SCO1: variants seen among roughly 807,000 people sequenced by gnomAD.
SCO1 encodes cytochrome c oxidase assembly factor SCO1.
In SCO1, 23 loss-of-function variants were observed where a neutral mutation model predicts 34.0. That is an observed-to-expected ratio of 0.68 (90% CI 0.49 to 0.96). SCO1 has a LOEUF of 0.96. Among genes scored for constraint, SCO1 ranks in the 40% least tolerant of loss-of-function variants. SCO1 has a pLI of 0.00. For synonymous variants in SCO1, 161 were observed against 145.5 expected (o/e 1.11, Z -0.77); for missense variants, 404 against 381.6 (o/e 1.06, Z -0.49).
At position 10,674,371 on chromosome 17, in the gene SCO1, A is replaced by C. The variant is rs1052013058; in HGVS notation, c.*6748T>G. ...AACCAGGGAGGTGGAGGTTGCAGTG[A>C]GCCAAGATCGCACCACTGCTCTCCA... On this transcript the variant is annotated 3_prime_UTR_variant, in exon 6 of 6. Transcript: ENST00000255390. The C allele has an allele frequency of 9.8e-6, 2 of 204,970 alleles. No individual in the cohort carries two copies. The highest frequency in any genetic ancestry group is 4.7e-5 in the African/African-American group (2 of 42,154). 12.7% of individuals were successfully genotyped at this position (204,970 alleles called of 1,614,324 possible).
chr17:10,682,084 T>C (rs2074625341), intron 5 of SCO1, among the ~76,000 whole-genome samples: 1 of 152,182 alleles, frequency 6.6e-6, no homozygotes, highest in African/African-American at 2.4e-5. Flanking sequence ...TAACTTTAAC[T>C]TAGATTAGTC....
chr17:10,691,948 C>A lies in SCO1; in HGVS notation c.579G>T (p.Leu193=), dbSNP rs376145746. The A allele has an allele frequency of 5.0e-5, 80 of 1,612,514 alleles. 4 individuals are homozygous for A. The East Asian group carries it at 5.3e-4, about 11-fold the overall frequency. The change falls in exon 4 of 6, where the codon CTG becomes CTT. Residue 193 remains leucine, a synonymous_variant. Coordinates refer to ENST00000255390, the MANE Select transcript of SCO1 (RefSeq NM_004589.4). ...TGATGAAAAGTGGAGTTAGATCTGG[C>A]AGAGTTGTAATGCTATCTGAAAGAG... The part of the protein sequence containing the change: ...VVDEIDSITT[L]PDLTPLFISI...
At chr17:10,686,339 A>C (rs964885114) in intron 5 of SCO1, among the ~76,000 whole-genome samples, 1 of 152,136 alleles carries the variant, frequency 6.6e-6, no homozygotes, top group African/African-American at 2.4e-5. Flanking sequence ...CTGTAATCCC[A>C]GTACTTTGGG....
rs2074739916 is a variant in SCO1 at position 10,697,490 on chromosome 17, T to C, written c.18A>G (p.Leu6=). The C allele has an allele frequency of 1.2e-6, 2 of 1,613,436 alleles. No individual in the cohort carries two copies. Among genetic ancestry groups the C allele is most frequent in the African/African-American group, 2.7e-5 (2 of 75,032 alleles). The change falls in exon 1 of 6, where the codon CTA becomes CTG. Residue 6 remains leucine, a synonymous_variant. Transcript: ENST00000255390. MAMLV[L]VPGRVMRPLG... ...GAGGCCGCATAACTCGTCCGGGTAC[T>C]AGGACCAGCATCGCCATGAGCCTCG...
intron 4 of SCO1, among the ~76,000 whole-genome samples, chr17:10,687,598 GAA>G (rs892363713): frequency 1.9e-4 from 29 of 152,198 alleles, no homozygotes; most frequent in African/African-American, 6.8e-4. Context: ...TTCAGATTCT[GAA>G]AAGACAGGCT....
At position 10,675,032 on chromosome 17, in the gene SCO1, AG is replaced by A; in HGVS notation, c.*6086del. On this transcript the variant is annotated 3_prime_UTR_variant, in exon 6 of 6. Transcript: ENST00000255390. ...CTTCAGTTTGCTCCTCCTCAGTGTC[AG>A]GGTCCCAGGGCCCTAGAAGTCTCTA... The A allele has an allele frequency of 6.6e-6, 1 of 152,384 alleles. No homozygotes were observed. Among genetic ancestry groups the A allele is most frequent in the Non-Finnish European group, 1.5e-5 (1 of 68,076 alleles). 9.4% of individuals were successfully genotyped at this position (152,384 alleles called of 1,614,324 possible). A position where few individuals can be genotyped will look rare whatever the true frequency, so the allele number is the denominator to read the frequency against.
intron 1 of SCO1, among the ~76,000 whole-genome samples, chr17:10,697,002 C>A (rs1409489713): frequency 6.7e-6 from 1 of 150,048 alleles, no homozygotes; most frequent in Non-Finnish European, 1.5e-5. Context: ...CAAGTCGGGG[C>A]ATCCAGCCAC....
In SCO1 at chr17:10,681,028, C is replaced by T. The variant is rs888619462; in HGVS notation, c.*91G>A. On this transcript the variant is annotated 3_prime_UTR_variant, in exon 6 of 6. Transcript: ENST00000255390. ...TATGAAGGCCATTCTGTAGAGTGCA[C>T]GTATATATGTTTATATTTATATAGG... is the stretch of plus-strand genomic sequence containing the variant. 1.3e-5 allele frequency: 18 copies of T among 1,429,206 alleles called. No homozygotes were observed. Among genetic ancestry groups the T allele is most frequent in the South Asian group, 5.7e-5 (5 of 87,332 alleles). The allele number at this position is 1,429,206 out of a possible 1,614,324, so 88.5% of individuals were successfully genotyped here. A position where few individuals can be genotyped will look rare whatever the true frequency, so the allele number is the denominator to read the frequency against.
At position 10,697,314 on chromosome 17, in the gene SCO1, C is replaced by T; in HGVS notation, c.194G>A (p.Arg65Gln). The change falls in exon 1 of 6, where the codon CGG (arginine) becomes CAG (glutamine). Residue 65 changes from arginine (R) to glutamine (Q), a missense_variant. Transcript: ENST00000255390. ...SGRPGYCLGT[R>Q]PLSTARPPPP... ...TGGCGGCCTCGCAGTGCTGAGGGGC[C>T]GGGTTCCCAGGCAATAGCCAGGGCG... 1 of 1,564,430 alleles carries T rather than the reference C, an allele frequency of 6.4e-7. No homozygotes were observed. The highest frequency in any genetic ancestry group is 8.7e-7 in the Non-Finnish European group (1 of 1,155,272).
chr17:10,686,872 A>C (rs2074660100), intron 4 of SCO1, 30 bp from the exon 5 acceptor site: 1 of 1,440,874 alleles, frequency 6.9e-7, no homozygotes, highest in African/African-American at 1.4e-5. Flanking sequence ...GACAGTGAAA[A>C]ATGAGAAGCC....
intron 5 of SCO1, chr17:10,683,989 A>C (rs1050217166): frequency 1.3e-5 from 2 of 152,156 alleles, no homozygotes; most frequent in African/African-American, 4.8e-5. Flanking sequence ...AAAATCTGTG[A>C]CCTCAAGGGA....
Position 10,680,812 on chromosome 17 carries a change from T to C in SCO1, c.*307A>G, listed in dbSNP as rs1597505397. The C allele has an allele frequency of 9.0e-6, 4 of 443,978 alleles. No homozygotes were observed. In the East Asian group the frequency reaches 1.9e-4, roughly 21 times the overall value. 27.5% of individuals were successfully genotyped at this position (443,978 alleles called of 1,614,324 possible). On this transcript the variant is annotated 3_prime_UTR_variant, in exon 6 of 6. Coordinates refer to ENST00000255390, the MANE Select transcript of SCO1 (RefSeq NM_004589.4). ...GGGAGGGCCTGTTCGCAGGCAGGAATGCACTGGCTGTGCCTCGCCCCGCCA... is the reference window on the plus strand; with the variant it reads ...GGGAGGGCCTGTTCGCAGGCAGGAACGCACTGGCTGTGCCTCGCCCCGCCA...
At chr17:10,683,482 T>C (rs1326869614) in intron 5 of SCO1, among the ~76,000 whole-genome samples, 1 of 152,090 alleles carries the variant, frequency 6.6e-6, no homozygotes, top group Non-Finnish European at 1.5e-5. Context: ...AGAGGGTGTA[T>C]GAGTTTAATT....
At chr17:10,686,623 C>G in intron 5 of SCO1, 104 bp downstream of exon 5, 1 of 790,638 alleles carries the variant, frequency 1.3e-6, no homozygotes, top group Non-Finnish European at 2.3e-6. Context: ...TTGCAATAAT[C>G]TTAGGTATTC....
chr17:10,694,895 C>G (rs2074712440), intron 2 of SCO1, among the ~76,000 whole-genome samples: 1 of 152,046 alleles, frequency 6.6e-6, no homozygotes, highest in African/African-American at 2.4e-5. Context: ...CTGCTAAGTT[C>G]CTAAAGCCTA....
chr17:10,695,655 C>T (rs1029098888), intron 2 of SCO1, 86 bp downstream of exon 2: 13 of 1,033,224 alleles, frequency 1.3e-5, no homozygotes, highest in African/African-American at 1.1e-4. Context: ...TGTTTCAAAA[C>T]AAAAAGCTAA....
In SCO1 at chr17:10,680,347, A is replaced by G. The variant is rs2074613797; in HGVS notation, c.*772T>C. On this transcript the variant is annotated 3_prime_UTR_variant, in exon 6 of 6. Transcript: ENST00000255390. The stretch of plus-strand genomic sequence containing the variant: ...AAGATCACGCTTGTCTGAACAGCAA[A>G]ACTGAGTATGTTTACTTTACACAAA... 6.6e-6 allele frequency: 1 copy of G among 152,556 alleles called. No homozygotes were observed. The highest frequency in any genetic ancestry group is 2.1e-4 in the South Asian group (1 of 4,828). 9.5% of individuals were successfully genotyped at this position (152,556 alleles called of 1,614,324 possible). A position where few individuals can be genotyped will look rare whatever the true frequency, so the allele number is the denominator to read the frequency against.
In SCO1 at chr17:10,678,726, C is replaced by A. The variant is rs2074598711; in HGVS notation, c.*2393G>T. On this transcript the variant is annotated 3_prime_UTR_variant, in exon 6 of 6. Transcript: ENST00000255390. The stretch of plus-strand genomic sequence containing the variant: ...GCTGGTTTCTATAAACTAAATCTTG[C>A]AGTTGTTTATTAAGGAACAGGCTAT... The A allele has an allele frequency of 6.6e-6, 1 of 152,182 alleles. No homozygotes were observed. Among genetic ancestry groups the A allele is most frequent in the Admixed American group, 6.5e-5 (1 of 15,282 alleles). The allele number at this position is 152,182 out of a possible 1,614,324, so 9.4% of individuals were successfully genotyped here.
In SCO1 at chr17:10,674,813, G is replaced by C. The variant is rs1386919803; in HGVS notation, c.*6306C>G. 2.0e-5 allele frequency: 3 copies of C among 152,324 alleles called. No individual in the cohort carries two copies. Among genetic ancestry groups the C allele is most frequent in the African/African-American group, 7.2e-5 (3 of 41,440 alleles). The allele number at this position is 152,324 out of a possible 1,614,324, so 9.4% of individuals were successfully genotyped here. A position where few individuals can be genotyped will look rare whatever the true frequency, so the allele number is the denominator to read the frequency against. On this transcript the variant is annotated 3_prime_UTR_variant, in exon 6 of 6. Coordinates refer to ENST00000255390, the MANE Select transcript of SCO1 (RefSeq NM_004589.4). ...GGCCCCTTACCTTTGCATCATCCTT[G>C]AATGGAAAAAGGATCACGGGCTGCC...
Sources: allele counts gnomAD v4.1 joint callset (sites outside exome capture counted in the v4.1 genomes callset), GRCh38; gene constraint gnomAD v4.1.1; transcripts MANE v1.5; gene names NCBI Gene and HGNC (gene_info 2026-07-23, HGNC 2026-07-21).